Variants in C8orf34 observed in about 807,000 individuals in gnomAD.
C8orf34 encodes the protein uncharacterized protein C8orf34.
In C8orf34, 65 loss-of-function variants were observed where a neutral mutation model predicts 68.3. That is an observed-to-expected ratio of 0.95 (90% CI 0.78 to 1.17). The LOEUF (loss-of-function observed/expected upper bound fraction) is 1.17. C8orf34 is among the 50% of genes most tolerant of loss of function. The pLI is 0.00. For missense variants in C8orf34, 664 were observed against 655.4 expected (o/e 1.01, Z -0.14); for synonymous variants, 244 against 241.2 (o/e 1.01, Z -0.11).
At chr8:68,410,240 T>G (rs7013706) in intron 1 of C8orf34, among the ~76,000 whole-genome samples, 93,047 of 151,940 alleles carry the variant, frequency 0.61, 28,838 homozygotes, top group African/African-American at 0.72. Context: ...GGTAGAGAGG[T>G]TAGCAATCAG....
intron 1 of C8orf34, among the ~76,000 whole-genome samples, chr8:68,378,256 C>A (rs560959908): frequency 2.0e-5 from 3 of 152,074 alleles, no homozygotes; most frequent in African/African-American, 7.2e-5. Context: ...CTTGCCCATG[C>A]CTTGATTTGT....
intron 8 of C8orf34, among the ~76,000 whole-genome samples, chr8:68,672,942 G>A (rs1042300697): frequency 4.0e-5 from 6 of 151,722 alleles, no homozygotes; most frequent in Admixed American, 2.0e-4. Flanking sequence ...AGTCACAGTA[G>A]GATAGGGCAT....
chr8:68,787,440 C>G lies in C8orf34; in HGVS notation c.1456-3C>G, dbSNP rs767045358. 6.2e-7 allele frequency: 1 copy of G among 1,602,974 alleles called. No individual in the cohort carries two copies. The highest frequency in any genetic ancestry group is 1.3e-5 in the African/African-American group (1 of 74,686). ...AATCTAAAATAAATGTGTTCTTTTGCAGGATGAATCCTTAAAGCAATTGCA... is the reference window on the plus strand; with the variant it reads ...AATCTAAAATAAATGTGTTCTTTTGGAGGATGAATCCTTAAAGCAATTGCA... On this transcript the variant is annotated splice_region_variant and splice_polypyrimidine_tract_variant and intron_variant, in intron 11 of 13. Transcript: ENST00000518698.
At chr8:68,459,227 T>G (rs1050567750) in intron 3 of C8orf34, among the ~76,000 whole-genome samples, 3 of 152,174 alleles carry the variant, frequency 2.0e-5, no homozygotes, top group Admixed American at 2.0e-4. Context: ...CTCTTTCATT[T>G]TCTTTTTTTC....
At chr8:68,478,961 C>G (rs1812740554) in intron 4 of C8orf34, among the ~76,000 whole-genome samples, 1 of 152,104 alleles carries the variant, frequency 6.6e-6, no homozygotes, top group Admixed American at 6.6e-5. Context: ...TGAAAGAACA[C>G]TGAATAAGTT....
chr8:68,646,844 A>C (rs1819188885), intron 8 of C8orf34, among the ~76,000 whole-genome samples: 1 of 152,170 alleles, frequency 6.6e-6, no homozygotes, highest in Non-Finnish European at 1.5e-5. Flanking sequence ...TATATACCAC[A>C]TTTTGTTTAT....
At chr8:68,419,460 C>T (rs1413805954) in intron 1 of C8orf34, among the ~76,000 whole-genome samples, 2 of 150,926 alleles carry the variant, frequency 1.3e-5, no homozygotes, top group Non-Finnish European at 2.9e-5. Flanking sequence ...CCATTTGACC[C>T]AGCCATCCCA....
intron 7 of C8orf34, among the ~76,000 whole-genome samples, chr8:68,615,974 T>C (rs1034227292): frequency 6.6e-6 from 1 of 151,020 alleles, no homozygotes; most frequent in East Asian, 1.9e-4. Context: ...CAGAGCCTGT[T>C]ATTGGTCTAT....
At chr8:68,505,738 C>CAAAAAAAAAAAAAAAAAAAAAA (rs778441254) in intron 5 of C8orf34, among the ~76,000 whole-genome samples, 1 of 68,352 alleles carries the variant, frequency 1.5e-5, no homozygotes, top group Admixed American at 1.8e-4. Context: ...ACTCCGTCTC[C>CAAAAAAAAAAAAAAAAAAAAAA]AAAAAAAAAA....
At chr8:68,607,446 A>G (rs944188297) in intron 7 of C8orf34, among the ~76,000 whole-genome samples, 3 of 152,044 alleles carry the variant, frequency 2.0e-5, no homozygotes, top group Non-Finnish European at 4.4e-5. Context: ...CTCTCTGCAG[A>G]TGTCTGTGTC....
chr8:68,674,357 C>G lies in C8orf34; in HGVS notation c.1241+33846C>G, dbSNP rs544258411. Among the ~76,000 whole-genome samples, 7 of 152,002 alleles carry G rather than the reference C, an allele frequency of 4.6e-5. No individual in the cohort carries two copies. The South Asian group carries it at 1.5e-3, about 32-fold the overall frequency. Reference sequence around the variant, plus strand: ...AGAGAGAGAGATATGATCTTTCAGACAAAGAATTTAAAATAGCCATTTTGA... The same window carrying G: ...AGAGAGAGAGATATGATCTTTCAGAGAAAGAATTTAAAATAGCCATTTTGA... On this transcript the variant is annotated intron_variant, in intron 8 of 13. Transcript: ENST00000518698.
intron 4 of C8orf34, among the ~76,000 whole-genome samples, chr8:68,484,435 A>C (rs1812990214): frequency 6.6e-6 from 1 of 152,136 alleles, no homozygotes; most frequent in African/African-American, 2.4e-5. Context: ...TACAAGGACC[A>C]TGTGTTCCAG....
At chr8:68,349,664 G>A (rs939380828) in intron 1 of C8orf34, among the ~76,000 whole-genome samples, 2 of 151,910 alleles carry the variant, frequency 1.3e-5, no homozygotes, top group African/African-American at 2.4e-5. Context: ...CTTGTTATTG[G>A]TCTGTTCAGG....
intron 5 of C8orf34, among the ~76,000 whole-genome samples, chr8:68,514,847 G>A (rs1055798566): frequency 6.6e-6 from 1 of 152,020 alleles, no homozygotes. Flanking sequence ...TGTGGATCAG[G>A]CAGAAACACA....
intron 8 of C8orf34, among the ~76,000 whole-genome samples, chr8:68,659,375 C>G (rs1819603698): frequency 6.6e-6 from 1 of 152,210 alleles, no homozygotes; most frequent in Non-Finnish European, 1.5e-5. Context: ...TTGCCTCCTT[C>G]TGATGCTGGG....
intron 9 of C8orf34, among the ~76,000 whole-genome samples, chr8:68,714,765 G>A (rs13263294): frequency 0.3 from 45,592 of 151,834 alleles, 7,889 homozygotes; most frequent in East Asian, 0.54. Context: ...ACAGAACTAG[G>A]AAAGACAATC....
At chr8:68,744,749 T>G (rs1822427014) in intron 10 of C8orf34, among the ~76,000 whole-genome samples, 1 of 152,168 alleles carries the variant, frequency 6.6e-6, no homozygotes, top group Non-Finnish European at 1.5e-5. Context: ...AGACCAAATC[T>G]ATGTCTGATT....
chr8:68,761,890 TA>T (rs34116642), intron 10 of C8orf34, among the ~76,000 whole-genome samples: 1 of 151,676 alleles, frequency 6.6e-6, no homozygotes, highest in Non-Finnish European at 1.5e-5. Context: ...CTATGTGATT[TA>T]AAAAAAAATA....
At chr8:68,349,292 T>A (rs1806409955) in intron 1 of C8orf34, among the ~76,000 whole-genome samples, 1 of 152,140 alleles carries the variant, frequency 6.6e-6, no homozygotes, top group Admixed American at 6.6e-5. Flanking sequence ...GATTTGCATA[T>A]GTTGAACCAG....
Sources: allele counts gnomAD v4.1 joint callset (sites outside exome capture counted in the v4.1 genomes callset), GRCh38; gene constraint gnomAD v4.1.1; transcripts MANE v1.5; gene names NCBI Gene and HGNC (gene_info 2026-07-23, HGNC 2026-07-21).